CDC73: variants seen among roughly 807,000 people sequenced by gnomAD.
CDC73 encodes the protein parafibromin.
A neutral mutation model predicts 83.7 loss-of-function variants in CDC73; 21 were observed. The observed-to-expected ratio is 0.25, with a 90% confidence interval of 0.18 to 0.36. The LOEUF is 0.36. CDC73 is among the 10% of genes least tolerant of loss of function. CDC73 has a pLI of 1.00. For synonymous variants in CDC73, 224 were observed against 212.9 expected (o/e 1.05, Z -0.45); for missense variants, 342 against 653.3 (o/e 0.52, Z 5.19).
rs7551701 is a variant in CDC73, at chr1:193,204,253, A to G, written c.1030+401A>G. ...TATATATACACGTATATATATGTGT[A>G]TGTGTGTGTGTGTGTGTGTGTGTGT... On this transcript the variant is annotated intron_variant, in intron 11 of 16. Coordinates refer to ENST00000367435, the MANE Select transcript of CDC73 (RefSeq NM_024529.5). Among the ~76,000 whole-genome samples, 534 of 123,760 alleles carry G rather than the reference A, an allele frequency of 4.3e-3. 5 individuals carry two copies. Among genetic ancestry groups the G allele is most frequent in the East Asian group, 0.02 (88 of 4,442 alleles). 81.2% of individuals were successfully genotyped at this position (123,760 alleles called of 152,430 possible). A position where few individuals can be genotyped will look rare whatever the true frequency, so the allele number is the denominator to read the frequency against.
intron 10 of CDC73, chr1:193,161,163 T>A (rs1442932309): frequency 5.6e-6 from 1 of 177,222 alleles, no homozygotes; most frequent in African/African-American, 2.4e-5. Context: ...GTTGTTCTTC[T>A]TGTCTTTCCT....
intron 10 of CDC73, among the ~76,000 whole-genome samples, chr1:193,188,727 A>G (rs1676866483): frequency 6.6e-6 from 1 of 151,980 alleles, no homozygotes; most frequent in African/African-American, 2.4e-5. Flanking sequence ...GATTTTGATT[A>G]TTAAGAGAGT....
intron 10 of CDC73, among the ~76,000 whole-genome samples, chr1:193,202,251 C>CT (rs879263347): frequency 0.011 from 1,659 of 151,730 alleles, 18 homozygotes; most frequent in Admixed American, 0.032. Flanking sequence ...AGCTGCAGTG[C>CT]CCAGAGCCTA....
chr1:193,157,470 A>G (rs979372283), intron 10 of CDC73, among the ~76,000 whole-genome samples: 1 of 152,168 alleles, frequency 6.6e-6, no homozygotes, highest in South Asian at 2.1e-4. Context: ...ATTCACCACC[A>G]TTTAAAAATT....
chr1:193,163,007 T>C (rs1036224189), intron 10 of CDC73, among the ~76,000 whole-genome samples: 1 of 152,174 alleles, frequency 6.6e-6, no homozygotes, highest in Non-Finnish European at 1.5e-5. Context: ...GATAGGATTA[T>C]AATATTTTAG....
intron 3 of CDC73, among the ~76,000 whole-genome samples, chr1:193,132,178 GT>G (rs1187299701): frequency 6.6e-6 from 1 of 152,156 alleles, no homozygotes; most frequent in East Asian, 1.9e-4. Context: ...CAGCTGTCTT[GT>G]CATGCATGGC....
At chr1:193,228,855 C>G (rs957716960) in intron 13 of CDC73, among the ~76,000 whole-genome samples, 1 of 151,972 alleles carries the variant, frequency 6.6e-6, no homozygotes, top group African/African-American at 2.4e-5. Flanking sequence ...CAGCCACATG[C>G]TGGGAGAAAA....
intron 10 of CDC73, among the ~76,000 whole-genome samples, chr1:193,182,010 AG>A (rs1459965642): frequency 6.6e-6 from 1 of 152,174 alleles, no homozygotes; most frequent in African/African-American, 2.4e-5. Flanking sequence ...ATTTCTGAGA[AG>A]GGTTGTGTAA....
At chr1:193,214,693 T>G (rs1677333615) in intron 13 of CDC73, among the ~76,000 whole-genome samples, 1 of 152,248 alleles carries the variant, frequency 6.6e-6, no homozygotes, top group East Asian at 1.9e-4. Flanking sequence ...CACTCCAGCC[T>G]GGGCGACAGA....
intron 15 of CDC73, among the ~76,000 whole-genome samples, chr1:193,240,738 T>C (rs1373454008): frequency 6.6e-6 from 1 of 152,210 alleles, no homozygotes. Flanking sequence ...TGCATATTAG[T>C]CCCTTGTTGG....
intron 13 of CDC73, among the ~76,000 whole-genome samples, chr1:193,221,904 A>G (rs905371538): frequency 6.6e-6 from 1 of 152,142 alleles, no homozygotes; most frequent in African/African-American, 2.4e-5. Context: ...TCCTCCACAC[A>G]ATTATGGTAC....
intron 13 of CDC73, among the ~76,000 whole-genome samples, chr1:193,222,013 G>A (rs1677478531): frequency 6.6e-6 from 1 of 151,836 alleles, no homozygotes; most frequent in Non-Finnish European, 1.5e-5. Context: ...CTTTAGTTTT[G>A]TATATCCCTT....
chr1:193,224,490 A>G (rs567206970), intron 13 of CDC73, among the ~76,000 whole-genome samples: 1 of 152,110 alleles, frequency 6.6e-6, no homozygotes, highest in East Asian at 1.9e-4. Context: ...TCACATATAC[A>G]CATATATGAA....
At chr1:193,123,035 A>G (rs1675492649) in intron 1 of CDC73, among the ~76,000 whole-genome samples, 1 of 152,150 alleles carries the variant, frequency 6.6e-6, no homozygotes, top group Non-Finnish European at 1.5e-5. Flanking sequence ...TTATCAGTTT[A>G]AGTCATTCAG....
At chr1:193,215,613 A>G (rs1677354304) in intron 13 of CDC73, among the ~76,000 whole-genome samples, 1 of 150,254 alleles carries the variant, frequency 6.7e-6, no homozygotes, top group African/African-American at 2.4e-5. Context: ...TTTTTGAGAC[A>G]GGGTCTTTCT....
intron 9 of CDC73, 108 bp from the exon 10 acceptor site, chr1:193,152,272 A>G (rs1025765866): frequency 5.4e-6 from 4 of 736,732 alleles, no homozygotes; most frequent in African/African-American, 1.8e-5. Context: ...AAGGCTTTGT[A>G]TATTATTGAA....
intron 10 of CDC73, among the ~76,000 whole-genome samples, chr1:193,163,025 T>G (rs1395378754): frequency 6.6e-6 from 1 of 152,160 alleles, no homozygotes; most frequent in Non-Finnish European, 1.5e-5. Context: ...TAGTAACTTA[T>G]CTAGCTACAC....
chr1:193,247,795 C>T (rs1454139279), intron 15 of CDC73, among the ~76,000 whole-genome samples: 1 of 152,088 alleles, frequency 6.6e-6, no homozygotes, highest in Non-Finnish European at 1.5e-5. Flanking sequence ...CCCTAACTCT[C>T]TTCAGTTCTG....
At chr1:193,126,363 T>A (rs1675573925) in intron 2 of CDC73, among the ~76,000 whole-genome samples, 1 of 152,220 alleles carries the variant, frequency 6.6e-6, no homozygotes, top group African/African-American at 2.4e-5. Context: ...AGGAAATATT[T>A]GGAAACAACT....
Sources: gnomAD v4.1 joint callset for allele counts (sites outside exome capture counted in the v4.1 genomes callset) on GRCh38, gnomAD v4.1.1 for gene constraint, MANE v1.5 for transcripts, NCBI Gene and HGNC (gene_info 2026-07-23, HGNC 2026-07-21) for gene names.